Variants in PDE8B observed in about 807,000 individuals in gnomAD.
PDE8B encodes the protein high affinity cAMP-specific and IBMX-insensitive 3',5'-cyclic phosphodiesterase 8B.
In PDE8B, 26 loss-of-function variants were observed where a neutral mutation model predicts 101.3. The observed-to-expected ratio is 0.26, with a 90% CI of 0.19 to 0.36. PDE8B has a LOEUF of 0.36. Ranked by LOEUF, PDE8B falls within the 10% of genes least tolerant of loss-of-function variation. The pLI is 1.00. For synonymous variants in PDE8B, 424 were observed against 429.3 expected (o/e 0.99, Z 0.15); for missense variants, 810 against 1,163.1 (o/e 0.70, Z 4.42).
intron 6 of PDE8B, among the ~76,000 whole-genome samples, chr5:77,342,296 C>A (rs890165447): frequency 3.3e-5 from 5 of 152,088 alleles, no homozygotes; most frequent in African/African-American, 1.2e-4. Flanking sequence ...CTGTTTTGAT[C>A]TTTACAAAAA....
chr5:77,402,557 T>C (rs976404989), intron 11 of PDE8B, among the ~76,000 whole-genome samples: 1 of 152,228 alleles, frequency 6.6e-6, no homozygotes, highest in Admixed American at 6.5e-5. Flanking sequence ...TAAGACATTA[T>C]AAAGTGAAAA....
intron 1 of PDE8B, among the ~76,000 whole-genome samples, chr5:77,276,831 T>C (rs918839605): frequency 5.3e-5 from 8 of 152,224 alleles, no homozygotes; most frequent in African/African-American, 9.6e-5. Flanking sequence ...AGTATTGATA[T>C]GGTGTGGTCC....
At chr5:77,387,377 AT>A (rs1448440268) in intron 10 of PDE8B, among the ~76,000 whole-genome samples, 2 of 152,192 alleles carry the variant, frequency 1.3e-5, no homozygotes, top group Non-Finnish European at 2.9e-5. Flanking sequence ...TTCTTTAAGA[AT>A]GTTGAATATT....
the PDE8B span, among the ~76,000 whole-genome samples, chr5:77,148,825 G>T: frequency 6.6e-6 from 1 of 152,038 alleles, no homozygotes; most frequent in African/African-American, 2.4e-5. Context: ...CCTAGAGCTT[G>T]TTTTTCAACA....
chr5:77,088,565 G>A, the PDE8B span: 8 of 151,716 alleles, frequency 5.3e-5, no homozygotes, highest in East Asian at 5.8e-4. Context: ...AGGATGGATG[G>A]GGAGCTGGAA....
chr5:77,163,478 T>C, the PDE8B span, among the ~76,000 whole-genome samples: 1 of 152,372 alleles, frequency 6.6e-6, no homozygotes, highest in East Asian at 1.9e-4. Context: ...GGTGGTTATC[T>C]ACTGAAAATC....
chr5:77,407,304 C>T, intron 12 of PDE8B, 77 bp from the exon 13 acceptor site: 2 of 1,063,046 alleles, frequency 1.9e-6, no homozygotes, highest in Non-Finnish European at 3.0e-6. Context: ...GGCCCTGGTC[C>T]ATGAAGGGAC....
intron 18 of PDE8B, among the ~76,000 whole-genome samples, chr5:77,419,005 A>G (rs1423983969): frequency 6.6e-6 from 1 of 152,188 alleles, no homozygotes. Flanking sequence ...GGAAGGGGGC[A>G]GTGTACAGAG....
the PDE8B span, chr5:77,106,366 C>G: frequency 6.6e-6 from 1 of 152,234 alleles, no homozygotes; most frequent in Admixed American, 6.5e-5. Flanking sequence ...AGGGCCAATA[C>G]TTATATCTTT....
At chr5:77,219,225 G>A (rs968193188) in intron 1 of PDE8B, among the ~76,000 whole-genome samples, 1 of 152,216 alleles carries the variant, frequency 6.6e-6, no homozygotes. Context: ...GCATGAGCTC[G>A]GTTGGTTTTC....
intron 20 of PDE8B, among the ~76,000 whole-genome samples, chr5:77,424,241 A>G (rs759242828): frequency 1.3e-5 from 2 of 152,230 alleles, no homozygotes; most frequent in African/African-American, 4.8e-5. Flanking sequence ...GACCTGACGT[A>G]CTACTCCTAG....
the PDE8B span, among the ~76,000 whole-genome samples, chr5:77,187,814 A>G: frequency 1.3e-5 from 2 of 152,240 alleles, no homozygotes; most frequent in Admixed American, 1.3e-4. Context: ...TGAGGCATAA[A>G]CAAATGAAAA....
chr5:77,191,414 G>A, the PDE8B span, among the ~76,000 whole-genome samples: 7 of 151,352 alleles, frequency 4.6e-5, no homozygotes, highest in African/African-American at 9.7e-5. Flanking sequence ...GTGCAGTGGC[G>A]CGATCTTGGC....
rs765541325 is a variant in PDE8B at position 77,211,298 on chromosome 5, C to CACA, written c.339+34_339+35insACA. ...CCCGCGCTGGCACACGCCGTGGGGG[C>CACA]CGTCCGCCCCGTCGGCGGGGCTCGC... On this transcript the variant is annotated intron_variant, in intron 1 of 21. Transcript: ENST00000264917. The surrounding 1 kb of genome is among the most constrained non-coding windows in gnomAD (Gnocchi z 4.1). 88 of 1,516,196 alleles carry CACA rather than the reference C, an allele frequency of 5.8e-5. No individual in the cohort carries two copies. The African/African-American group carries it at 1.1e-3, about 20-fold the overall frequency. 93.9% of individuals were successfully genotyped at this position (1,516,196 alleles called of 1,614,324 possible).
At chr5:77,127,138 C>CTGTATACATTATAA in the PDE8B span, among the ~76,000 whole-genome samples, 2 of 152,196 alleles carry the variant, frequency 1.3e-5, no homozygotes, top group Non-Finnish European at 2.9e-5. Context: ...ATCCAGGTTC[C>CTGTATACATTATAA]TGCCTGTATA....
chr5:77,197,521 A>T, the PDE8B span, among the ~76,000 whole-genome samples: 1 of 150,752 alleles, frequency 6.6e-6, no homozygotes, highest in Non-Finnish European at 1.5e-5. Flanking sequence ...TTTAGATTTA[A>T]TTTGTTTTTT....
intron 19 of PDE8B, among the ~76,000 whole-genome samples, chr5:77,421,448 T>A (rs13163675): frequency 0.096 from 14,614 of 152,054 alleles, 838 homozygotes; most frequent in South Asian, 0.15. Context: ...CACATTTTTT[T>A]AAAAAAACTG....
chr5:77,192,350 C>T, the PDE8B span, among the ~76,000 whole-genome samples: 5 of 152,290 alleles, frequency 3.3e-5, no homozygotes, highest in South Asian at 1.0e-3. Flanking sequence ...ACCAGAGACC[C>T]CAAGTAACCA....
intron 1 of PDE8B, among the ~76,000 whole-genome samples, chr5:77,264,880 A>G (rs866116123): frequency 6.6e-6 from 1 of 152,198 alleles, no homozygotes; most frequent in Middle Eastern, 3.2e-3. Context: ...TCCAAAATTG[A>G]TTCCCAGAGG....
Sources: allele counts gnomAD v4.1 joint callset (sites outside exome capture counted in the v4.1 genomes callset), GRCh38; gene constraint gnomAD v4.1.1; non-coding constraint Gnocchi (gnomAD v3.1); transcripts MANE v1.5; gene names NCBI Gene and HGNC (gene_info 2026-07-23, HGNC 2026-07-21).